RBM47: variants seen among roughly 807,000 people sequenced by gnomAD.
RBM47 encodes RNA-binding protein 47.
RBM47 carries 21 observed loss-of-function variants against 47.1 expected under a neutral mutation model. The observed-to-expected ratio is 0.45, with a 90% CI of 0.32 to 0.64. RBM47 has a LOEUF of 0.64. RBM47 is among the 30% of genes least tolerant of loss of function. The probability of loss-of-function intolerance (pLI) is 0.05; values close to 1 mark genes in which losing one functional copy is unlikely to be tolerated. For synonymous variants in RBM47, 375 were observed against 361.7 expected (o/e 1.04, Z -0.42); for missense variants, 708 against 870.9 (o/e 0.81, Z 2.35).
chr4:40,593,624 T>C (rs182362649), intron 1 of RBM47, among the ~76,000 whole-genome samples: 45 of 152,168 alleles, frequency 3.0e-4, no homozygotes, highest in Non-Finnish European at 4.1e-4. Flanking sequence ...CTCACGCCTG[T>C]AATCCCAGCA....
intron 2 of RBM47, among the ~76,000 whole-genome samples, chr4:40,511,621 G>A (rs994109542): frequency 1.7e-4 from 26 of 152,146 alleles, no homozygotes; most frequent in African/African-American, 5.3e-4. Flanking sequence ...AGGATCCAAC[G>A]TAGCCTTTGT....
chr4:40,622,927 T>C (rs1737395914), intron 1 of RBM47, among the ~76,000 whole-genome samples: 1 of 152,036 alleles, frequency 6.6e-6, no homozygotes, highest in African/African-American at 2.4e-5. Context: ...GAAAGGAGTG[T>C]GCGGGGAGAG....
At chr4:40,426,172 C>G in intron 6 of RBM47, 29 bp from the exon 7 acceptor site, 1 of 1,608,674 alleles carries the variant, frequency 6.2e-7, no homozygotes, top group Non-Finnish European at 8.5e-7. Context: ...AAGGAGCCTT[C>G]CTGAACACGT....
chr4:40,471,436 G>A (rs555343158), intron 2 of RBM47, among the ~76,000 whole-genome samples: 7 of 151,926 alleles, frequency 4.6e-5, no homozygotes, highest in African/African-American at 4.8e-5. Flanking sequence ...AGTGGCTCAC[G>A]CCTGTAATCC....
chr4:40,507,265 G>A (rs1232155647), intron 2 of RBM47, among the ~76,000 whole-genome samples: 1 of 151,940 alleles, frequency 6.6e-6, no homozygotes, highest in African/African-American at 2.4e-5. Flanking sequence ...CCTTAAGCAC[G>A]TCCATAAACT....
intron 1 of RBM47, among the ~76,000 whole-genome samples, chr4:40,618,019 T>C (rs750425370): frequency 2.0e-5 from 3 of 152,110 alleles, no homozygotes; most frequent in Non-Finnish European, 2.9e-5. Flanking sequence ...GGCAAGCTGA[T>C]TGCTTGAGCC....
chr4:40,540,786 A>G (rs930281366), intron 2 of RBM47, among the ~76,000 whole-genome samples: 1 of 147,732 alleles, frequency 6.8e-6, no homozygotes, highest in Non-Finnish European at 1.5e-5. Flanking sequence ...TTATTTATTT[A>G]TTTATTTATT....
At chr4:40,532,622 A>T (rs56095942) in intron 2 of RBM47, among the ~76,000 whole-genome samples, 53,579 of 151,062 alleles carry the variant, frequency 0.35, 11,351 homozygotes, top group African/African-American at 0.59. Flanking sequence ...TTTTAAAAAA[A>T]ATATTATTCT....
rs536114866 is a variant in RBM47, at chr4:40,558,554, A to G, written c.-239-14048T>C. Among the ~76,000 whole-genome samples, 19 of 149,432 alleles carry G rather than the reference A, an allele frequency of 1.3e-4. No individual in the cohort carries two copies. In the South Asian group the frequency reaches 3.8e-3, roughly 30 times the overall value. On this transcript the variant is annotated intron_variant, in intron 1 of 6. Coordinates refer to ENST00000295971, the MANE Select transcript of RBM47 (RefSeq NM_001098634.2). ...AAAAAAAAAAAAAAATGGGCCAGAC[A>G]TGGTGGCTCATGCTTGTAATCCCAG...
intron 2 of RBM47, among the ~76,000 whole-genome samples, chr4:40,498,053 T>TA (rs61545178): frequency 0.16 from 15,109 of 96,392 alleles, 1,174 homozygotes; most frequent in East Asian, 0.26. Context: ...AAGTGCTTGT[T>TA]TTATATATAT....
At chr4:40,589,585 C>T (rs1039861784) in intron 1 of RBM47, among the ~76,000 whole-genome samples, 2 of 152,002 alleles carry the variant, frequency 1.3e-5, no homozygotes, top group African/African-American at 4.8e-5. Context: ...TACGAGCACA[C>T]ACCACCATGC....
intron 1 of RBM47, among the ~76,000 whole-genome samples, chr4:40,555,736 G>A (rs1368509040): frequency 6.6e-6 from 1 of 152,222 alleles, no homozygotes; most frequent in Non-Finnish European, 1.5e-5. Flanking sequence ...ATGAATGATG[G>A]GAATGTGATC....
intron 2 of RBM47, among the ~76,000 whole-genome samples, chr4:40,517,227 CAGATTCAAG>C (rs1725688707): frequency 6.6e-6 from 1 of 152,002 alleles, no homozygotes; most frequent in African/African-American, 2.4e-5. Flanking sequence ...CTCCACCTCC[CAGATTCAAG>C]AGATTCTCCT....
In RBM47 at chr4:40,438,259, C is replaced by T. The variant is rs1271413740; in HGVS notation, c.635G>A (p.Arg212His). The part of the protein sequence containing the change: ...ESHRAAAMAR[R>H]KLMPGRIQLW... Reference sequence around the variant, plus strand: ...CTGGATGCGGCCAGGCATGAGCTTGCGGCGAGCCATGGCAGCCGCGCGGTG... The same window carrying T: ...CTGGATGCGGCCAGGCATGAGCTTGTGGCGAGCCATGGCAGCCGCGCGGTG... The change falls in exon 4 of 7, where the codon CGC (arginine) becomes CAC (histidine). Residue 212 changes from arginine to histidine, a missense_variant. Arg to His is a conservative substitution (Grantham distance 29, BLOSUM62 0). Coordinates refer to ENST00000295971, the MANE Select transcript of RBM47 (RefSeq NM_001098634.2). 3 of 1,603,882 alleles carry T rather than the reference C, an allele frequency of 1.9e-6. No individual in the cohort carries two copies. The highest frequency in any genetic ancestry group is 2.5e-6 in the Non-Finnish European group (3 of 1,179,880).
chr4:40,629,230 AC>A (rs1277047782), intron 1 of RBM47, among the ~76,000 whole-genome samples, 165 bp downstream of exon 1: 1 of 152,180 alleles, frequency 6.6e-6, no homozygotes, highest in African/African-American at 2.4e-5. Context: ...CGTTTTATAA[AC>A]CCTTTATTTC....
At chr4:40,624,075 C>T (rs901373702) in intron 1 of RBM47, among the ~76,000 whole-genome samples, 16 of 152,190 alleles carry the variant, frequency 1.1e-4, no homozygotes, top group African/African-American at 3.9e-4. Flanking sequence ...TGTTCTCAAA[C>T]TCCTGGGCTC....
intron 3 of RBM47, among the ~76,000 whole-genome samples, chr4:40,464,269 TGAG>T (rs1717620704): frequency 1.3e-5 from 2 of 152,354 alleles, no homozygotes; most frequent in South Asian, 4.1e-4. Flanking sequence ...CCCCTTCATC[TGAG>T]GAGGACCTGT....
chr4:40,613,623 T>TA (rs1560505903), intron 1 of RBM47, among the ~76,000 whole-genome samples: 2 of 152,048 alleles, frequency 1.3e-5, no homozygotes, highest in Non-Finnish European at 1.5e-5. Flanking sequence ...TCATTGGTGA[T>TA]AAAAAACTAA....
chr4:40,442,142 T>C (rs911463753), intron 3 of RBM47, among the ~76,000 whole-genome samples: 3 of 152,228 alleles, frequency 2.0e-5, no homozygotes, highest in African/African-American at 7.2e-5. Flanking sequence ...ATTTATCTTA[T>C]TGTTCACATG....
Sources: gnomAD v4.1 joint callset for allele counts (sites outside exome capture counted in the v4.1 genomes callset) on GRCh38, gnomAD v4.1.1 for gene constraint, MANE v1.5 for transcripts, NCBI Gene and HGNC (gene_info 2026-07-23, HGNC 2026-07-21) for gene names.